Variants in PLAC1 observed in about 807,000 individuals in gnomAD.
PLAC1 encodes the protein placenta associated 1.
For synonymous variants in PLAC1, 68 were observed against 62.1 expected, an observed-to-expected ratio of 1.09 and a Z score of -0.44; for missense variants, 136 against 163.2, an observed-to-expected ratio of 0.83 and a Z score of 0.91.
At chrX:134,675,140 C>T (rs1033087549) in intron 2 of PLAC1, among the ~76,000 whole-genome samples, 1 of 111,996 alleles carries the variant, frequency 8.9e-6, no homozygotes, top group Non-Finnish European at 1.9e-5. Flanking sequence ...TTGTTCTGAG[C>T]CCATAGACAG....
chrX:134,569,473 C>T (rs1160690313), intron 2 of PLAC1, among the ~76,000 whole-genome samples: 1 of 111,593 alleles, frequency 9.0e-6, no homozygotes, highest in Non-Finnish European at 1.9e-5. Flanking sequence ...GAGAAATAAA[C>T]GAAGATGACT....
intron 2 of PLAC1, among the ~76,000 whole-genome samples, chrX:134,680,927 A>G (rs765778261): frequency 1.5e-4 from 17 of 111,612 alleles, no homozygotes; most frequent in Non-Finnish European, 9.4e-5. Context: ...GTGCCCAGAG[A>G]ACAACTGCTT....
At chrX:134,659,845 G>T (rs1006365876), upstream of PLAC1, among the ~76,000 whole-genome samples, 1 of 111,945 alleles carries the variant, frequency 8.9e-6, no homozygotes, top group Non-Finnish European at 1.9e-5. Context: ...CTGAAGAACA[G>T]AGAGATTAAA....
chrX:134,666,754 G>C (rs747939588), intron 2 of PLAC1, among the ~76,000 whole-genome samples: 1 of 112,020 alleles, frequency 8.9e-6, no homozygotes, highest in African/African-American at 3.2e-5. Flanking sequence ...TTTCTCTACT[G>C]AGTGGATGGA....
chrX:134,570,670 AGC>A (rs1467786991), intron 2 of PLAC1, among the ~76,000 whole-genome samples: 1 of 112,039 alleles, frequency 8.9e-6, no homozygotes, highest in Non-Finnish European at 1.9e-5. Flanking sequence ...GTTGGTACAC[AGC>A]GTCCTGAACT....
intron 2 of PLAC1, among the ~76,000 whole-genome samples, chrX:134,573,697 G>A (rs897457190): frequency 9.0e-6 from 1 of 111,541 alleles, no homozygotes; most frequent in Non-Finnish European, 1.9e-5. Flanking sequence ...TTAAAGTGAG[G>A]TGCACGCATA....
intron 2 of PLAC1, among the ~76,000 whole-genome samples, chrX:134,584,603 G>C (rs1016109227): frequency 9.0e-6 from 1 of 110,693 alleles, no homozygotes; most frequent in African/African-American, 3.3e-5. Context: ...TTATGTGTGA[G>C]GGTTTCTCGG....
chrX:134,760,310 TA>T (rs1457570166), intron 1 of PLAC1: 1 of 111,940 alleles, frequency 8.9e-6, no homozygotes, highest in Non-Finnish European at 1.9e-5. Context: ...ACTCCTCAGA[TA>T]AACCTCACTG....
At chrX:134,648,898 T>C (rs190509648) in intron 1 of PLAC1, among the ~76,000 whole-genome samples, 2 of 111,655 alleles carry the variant, frequency 1.8e-5, no homozygotes, top group East Asian at 2.8e-4. Flanking sequence ...TGGTTCAACA[T>C]GAATTTTGTG....
intron 1 of PLAC1, among the ~76,000 whole-genome samples, chrX:134,603,307 A>C (rs1259361407): frequency 2.0e-4 from 1 of 5,098 alleles, no homozygotes; most frequent in Non-Finnish European, 3.1e-4. Flanking sequence ...ATATATATAT[A>C]TATATATTTT....
At chrX:134,637,967 G>A (rs936535298) in intron 1 of PLAC1, among the ~76,000 whole-genome samples, 2 of 112,391 alleles carry the variant, frequency 1.8e-5, no homozygotes, top group African/African-American at 6.5e-5. Flanking sequence ...TTTGTGGAAT[G>A]AAAGAAAAAA....
intron 1 of PLAC1, among the ~76,000 whole-genome samples, chrX:134,652,077 T>C (rs746547108): frequency 9.0e-6 from 1 of 111,563 alleles, no homozygotes; most frequent in South Asian, 3.8e-4. Context: ...CTAAAGTTTA[T>C]AGTATTGCAG....
Position 134,566,213 on chromosome X carries a change from T to C in PLAC1, c.470A>G (p.Gln157Arg), listed in dbSNP as rs995591862. The C allele has an allele frequency of 5.8e-6, 7 of 1,211,708 alleles. No homozygotes were observed. The highest frequency in any genetic ancestry group is 7.8e-6 in the Non-Finnish European group (7 of 895,450). ...AGGTGGACAATCGCAGTTGGGCCTT[T>C]GACTGGACTGTGACAAGCTGAACAC... ...YEVFSLSQSS[Q>R]RPNCDCPPCV... The change falls in exon 3 of 3, where the codon CAA becomes CGA. Residue 157 changes from glutamine (Q) to arginine (R), a missense_variant. Transcript: ENST00000359237.
At chrX:134,759,855 G>A (rs958755450) in intron 1 of PLAC1, among the ~76,000 whole-genome samples, 1 of 111,900 alleles carries the variant, frequency 8.9e-6, no homozygotes, top group Non-Finnish European at 1.9e-5. Context: ...ATATGTGGGA[G>A]CTAAAAAACT....
chrX:134,720,969 C>T (rs1377624758), intron 2 of PLAC1, among the ~76,000 whole-genome samples: 5 of 112,899 alleles, frequency 4.4e-5, no homozygotes, highest in Non-Finnish European at 9.4e-5. Context: ...GCATGAAGCA[C>T]TTTTGTACTG....
chrX:134,610,439 C>T (rs2124396741), intron 1 of PLAC1, among the ~76,000 whole-genome samples: 1 of 111,073 alleles, frequency 9.0e-6, no homozygotes, highest in South Asian at 3.9e-4. Context: ...GCAAAGCTTC[C>T]AGGAAACTAG....
chrX:134,614,057 G>T (rs2078167471), intron 1 of PLAC1, among the ~76,000 whole-genome samples: 2 of 109,890 alleles, frequency 1.8e-5, no homozygotes, highest in African/African-American at 6.6e-5. Context: ...TTATCTGCCT[G>T]CCACACTGCT....
intron 2 of PLAC1, among the ~76,000 whole-genome samples, chrX:134,568,638 A>G (rs2077890114): frequency 9.0e-6 from 1 of 111,215 alleles, no homozygotes; most frequent in African/African-American, 3.3e-5. Context: ...TTTTTTTCAC[A>G]AAGCAAAAGT....
chrX:134,595,912 A>AT (rs1244374849), intron 2 of PLAC1, among the ~76,000 whole-genome samples: 1 of 109,697 alleles, frequency 9.1e-6, no homozygotes, highest in Admixed American at 9.9e-5. Context: ...TTTATTTTTA[A>AT]TTTTGTTTTC....
Sources: gnomAD v4.1 joint callset for allele counts (sites outside exome capture counted in the v4.1 genomes callset) on GRCh38, gnomAD v4.1.1 for gene constraint, MANE v1.5 for transcripts, NCBI Gene and HGNC (gene_info 2026-07-23, HGNC 2026-07-21) for gene names.